Variants in GLIS3 observed in about 807,000 individuals in gnomAD.
GLIS3 encodes the protein GLIS family zinc finger 3, also known as zinc finger protein GLIS3.
GLIS3 carries 53 observed loss-of-function variants against 78.6 expected under a neutral mutation model. That is an observed-to-expected ratio of 0.67 (90% CI 0.54 to 0.85). GLIS3 has a LOEUF of 0.85. GLIS3 is among the 40% of genes least tolerant of loss of function. GLIS3 has a pLI of 0.00. For synonymous variants in GLIS3, 684 were observed against 509.9 expected (o/e 1.34, Z -4.60); for missense variants, 1,703 against 1,231.1 (o/e 1.38, Z -5.74).
At chr9:3,884,303 C>T (rs1821928045) in intron 7 of GLIS3, among the ~76,000 whole-genome samples, 1 of 152,134 alleles carries the variant, frequency 6.6e-6, no homozygotes, top group African/African-American at 2.4e-5. Context: ...TGTCTCAGGC[C>T]ATCACCAGAG....
At chr9:4,142,813 A>G (rs1170293737) in intron 2 of GLIS3, among the ~76,000 whole-genome samples, 2 of 152,186 alleles carry the variant, frequency 1.3e-5, no homozygotes, top group East Asian at 1.9e-4. Flanking sequence ...AATCAATACA[A>G]TTTCCTTCCA....
At chr9:4,472,428 T>TA in the GLIS3 span, among the ~76,000 whole-genome samples, 1 of 152,104 alleles carries the variant, frequency 6.6e-6, no homozygotes, top group Non-Finnish European at 1.5e-5. Context: ...TATGCAGCCA[T>TA]AAAAAAGGAT....
chr9:3,865,175 C>T (rs1325616150), intron 8 of GLIS3, among the ~76,000 whole-genome samples: 1 of 152,186 alleles, frequency 6.6e-6, no homozygotes, highest in African/African-American at 2.4e-5. Flanking sequence ...AAGACTATTT[C>T]TCAGAAAAGG....
chr9:4,205,674 A>G (rs1819811902), intron 2 of GLIS3, among the ~76,000 whole-genome samples: 1 of 152,200 alleles, frequency 6.6e-6, no homozygotes, highest in Admixed American at 6.5e-5. Context: ...GCACTGGATC[A>G]AACCTCACCT....
At chr9:4,301,456 T>G (rs570311298), upstream of GLIS3, among the ~76,000 whole-genome samples, 216 of 152,338 alleles carry the variant, frequency 1.4e-3, no homozygotes, top group African/African-American at 5.1e-3. Context: ...GCCATGACTA[T>G]TCCATTGTGG....
chr9:4,069,936 C>A (rs938240732), intron 4 of GLIS3, among the ~76,000 whole-genome samples: 7 of 152,026 alleles, frequency 4.6e-5, no homozygotes, highest in Non-Finnish European at 1.0e-4. Flanking sequence ...AAGCTTTGGA[C>A]ATTCTCCAGC....
chr9:4,431,986 C>T, the GLIS3 span, among the ~76,000 whole-genome samples: 2 of 152,214 alleles, frequency 1.3e-5, no homozygotes, highest in African/African-American at 4.8e-5. Context: ...TGGCTGCATT[C>T]CAGTAAAACT....
chr9:4,107,563 C>T (rs999033435), intron 4 of GLIS3, among the ~76,000 whole-genome samples: 1 of 152,092 alleles, frequency 6.6e-6, no homozygotes, highest in African/African-American at 2.4e-5. Context: ...TCATAGCAAG[C>T]CGCTGAGATT....
the GLIS3 span, among the ~76,000 whole-genome samples, chr9:4,391,011 C>T: frequency 6.6e-6 from 1 of 152,326 alleles, no homozygotes; most frequent in South Asian, 2.1e-4. Flanking sequence ...ATTTCTCTGT[C>T]TACTCATCCT....
At chr9:4,339,609 G>C (rs1817803432) in intron 2 of GLIS3, among the ~76,000 whole-genome samples, 1 of 150,136 alleles carries the variant, frequency 6.7e-6, no homozygotes, top group African/African-American at 2.5e-5. Context: ...TCTGTTGTGT[G>C]TATTTAGGGT....
chr9:4,214,006 T>G (rs1586998338), intron 2 of GLIS3, among the ~76,000 whole-genome samples: 2 of 145,350 alleles, frequency 1.4e-5, no homozygotes, highest in Middle Eastern at 3.4e-3. Flanking sequence ...TTAAAAAAAA[T>G]AAGTAAGGCA....
At chr9:4,228,967 G>C (rs1464505404) in intron 2 of GLIS3, among the ~76,000 whole-genome samples, 1 of 152,168 alleles carries the variant, frequency 6.6e-6, no homozygotes, top group Non-Finnish European at 1.5e-5. Context: ...ATAATGCTTT[G>C]TTGAGTACAG....
At chr9:4,077,050 C>A (rs1828131944) in intron 4 of GLIS3, among the ~76,000 whole-genome samples, 1 of 151,996 alleles carries the variant, frequency 6.6e-6, no homozygotes, top group Non-Finnish European at 1.5e-5. Flanking sequence ...GAGACCAAGA[C>A]CTTGTCTAAA....
At chr9:3,877,458 T>C (rs1821392765) in intron 8 of GLIS3, among the ~76,000 whole-genome samples, 1 of 152,336 alleles carries the variant, frequency 6.6e-6, no homozygotes, top group African/African-American at 2.4e-5. Context: ...ATATTGCTAA[T>C]TGCCAATCAG....
intron 3 of GLIS3, among the ~76,000 whole-genome samples, chr9:4,121,236 C>G (rs1456817331): frequency 1.3e-5 from 2 of 152,200 alleles, no homozygotes; most frequent in East Asian, 1.9e-4. Context: ...ACATCTCTCC[C>G]CAGTACACTA....
At chr9:4,217,004 G>T (rs1416128677) in intron 2 of GLIS3, among the ~76,000 whole-genome samples, 2 of 152,198 alleles carry the variant, frequency 1.3e-5, no homozygotes, top group Non-Finnish European at 2.9e-5. Context: ...AAGGGATTCA[G>T]CTGCTACCAG....
chr9:4,459,433 G>C, the GLIS3 span, among the ~76,000 whole-genome samples: 1 of 152,108 alleles, frequency 6.6e-6, no homozygotes, highest in Admixed American at 6.5e-5. Flanking sequence ...AGGTACGAGG[G>C]AAAACGAGAG....
chr9:4,304,987 T>G (rs751274081), upstream of GLIS3, among the ~76,000 whole-genome samples: 4 of 152,194 alleles, frequency 2.6e-5, no homozygotes, highest in African/African-American at 9.7e-5. Flanking sequence ...GGTAAGAGTG[T>G]TGACTTCCTT....
the GLIS3 span, among the ~76,000 whole-genome samples, chr9:4,460,142 G>A: frequency 6.6e-6 from 1 of 152,158 alleles, no homozygotes; most frequent in East Asian, 1.9e-4. Context: ...TGGTGGCTCG[G>A]TGGTGGACCA....
Sources: gnomAD v4.1 joint callset for allele counts (sites outside exome capture counted in the v4.1 genomes callset) on GRCh38, gnomAD v4.1.1 for gene constraint, MANE v1.5 for transcripts, NCBI Gene and HGNC (gene_info 2026-07-23, HGNC 2026-07-21) for gene names.